Variants in RAB38 observed in about 807,000 individuals in gnomAD.
The protein encoded by RAB38 is ras-related protein Rab-38.
A neutral mutation model predicts 18.4 loss-of-function variants in RAB38; 15 were observed. The ratio of observed to expected loss-of-function variants is 0.82; its 90% CI spans 0.55 to 1.26. The LOEUF is 1.26. Ranked by LOEUF, RAB38 falls within the 50% of genes most tolerant of loss-of-function variation. RAB38 has a pLI of 0.00. For synonymous variants in RAB38, 101 were observed against 104.4 expected, an observed-to-expected ratio of 0.97 and a Z score of 0.20; for missense variants, 294 against 267.4, an observed-to-expected ratio of 1.10 and a Z score of -0.69.
At chr11:87,949,878 T>C in the RAB38 span, among the ~76,000 whole-genome samples, 1 of 152,132 alleles carries the variant, frequency 6.6e-6, no homozygotes, top group East Asian at 1.9e-4. Flanking sequence ...TGATTTGGGG[T>C]GGAGAGTTCT....
the RAB38 span, among the ~76,000 whole-genome samples, chr11:87,918,444 G>C: frequency 6.6e-6 from 1 of 152,178 alleles, no homozygotes; most frequent in African/African-American, 2.4e-5. Context: ...TCTAATTTTT[G>C]AGGAACTTCC....
chr11:87,839,899 T>G, the RAB38 span, among the ~76,000 whole-genome samples: 1 of 152,192 alleles, frequency 6.6e-6, no homozygotes, highest in Non-Finnish European at 1.5e-5. Context: ...ATCTTTGTCC[T>G]GCATATCAGT....
At chr11:87,887,180 CTAAG>C in the RAB38 span, among the ~76,000 whole-genome samples, 1 of 151,928 alleles carries the variant, frequency 6.6e-6, no homozygotes, top group African/African-American at 2.4e-5. Flanking sequence ...CTCTGAGAGG[CTAAG>C]TAACTTTTCC....
the RAB38 span, among the ~76,000 whole-genome samples, chr11:87,846,524 A>C: frequency 6.6e-6 from 1 of 151,892 alleles, no homozygotes; most frequent in African/African-American, 2.4e-5. Flanking sequence ...CAATAGAAAT[A>C]ATTCATTAGG....
At chr11:87,951,873 C>T in the RAB38 span, among the ~76,000 whole-genome samples, 21 of 152,244 alleles carry the variant, frequency 1.4e-4, no homozygotes, top group South Asian at 1.2e-3. Flanking sequence ...GCAGTCTGCC[C>T]GTTCTCAGAT....
At chr11:87,873,922 G>GTGTT in the RAB38 span, among the ~76,000 whole-genome samples, 1 of 103,122 alleles carries the variant, frequency 9.7e-6, no homozygotes, top group Admixed American at 1.2e-4. Context: ...GTGTGTGTGT[G>GTGTT]TATATATATA....
At chr11:87,855,306 T>C in the RAB38 span, among the ~76,000 whole-genome samples, 2,088 of 152,254 alleles carry the variant, frequency 0.014, 150 homozygotes, top group Admixed American at 0.11. Flanking sequence ...AGTCTTCAGA[T>C]ATCATACCCA....
At chr11:87,929,486 G>A in the RAB38 span, among the ~76,000 whole-genome samples, 3 of 151,044 alleles carry the variant, frequency 2.0e-5, no homozygotes, top group Non-Finnish European at 4.4e-5. Context: ...TTTTAGGGTT[G>A]TATTTCAAAT....
chr11:87,880,338 A>G, the RAB38 span, among the ~76,000 whole-genome samples: 8,964 of 151,810 alleles, frequency 0.059, 400 homozygotes, highest in Admixed American at 0.12. Flanking sequence ...CCTGGCCACA[A>G]CATGCTCCAG....
the RAB38 span, among the ~76,000 whole-genome samples, chr11:87,951,235 A>G: frequency 6.6e-6 from 1 of 151,888 alleles, no homozygotes; most frequent in African/African-American, 2.4e-5. Context: ...TTTCAGCTCC[A>G]TCAGGTCCTT....
chr11:88,101,943 G>A, the RAB38 span, among the ~76,000 whole-genome samples: 1 of 151,888 alleles, frequency 6.6e-6, no homozygotes, highest in Admixed American at 6.6e-5. Flanking sequence ...TGAAGAAAGA[G>A]TGAAAGAGGA....
chr11:87,965,798 G>A, the RAB38 span, among the ~76,000 whole-genome samples: 2 of 152,062 alleles, frequency 1.3e-5, no homozygotes, highest in African/African-American at 4.8e-5. Context: ...GTTTTAACCA[G>A]GACAGAGGGA....
At chr11:87,938,186 T>A in the RAB38 span, among the ~76,000 whole-genome samples, 1 of 152,106 alleles carries the variant, frequency 6.6e-6, no homozygotes, top group East Asian at 1.9e-4. Flanking sequence ...CTGTTATTGC[T>A]TTTTGGGGAT....
the RAB38 span, among the ~76,000 whole-genome samples, chr11:87,949,987 G>A: frequency 2.3e-4 from 35 of 152,082 alleles, no homozygotes; most frequent in African/African-American, 8.5e-4. Flanking sequence ...GTTGACAGTG[G>A]GGTGTTAAAG....
At chr11:88,068,458 G>T in the RAB38 span, among the ~76,000 whole-genome samples, 1 of 152,140 alleles carries the variant, frequency 6.6e-6, no homozygotes, top group Non-Finnish European at 1.5e-5. Context: ...TGGCAATTGT[G>T]CAAGCTGAGA....
the RAB38 span, among the ~76,000 whole-genome samples, chr11:88,105,856 T>C: frequency 6.6e-6 from 1 of 151,902 alleles, no homozygotes; most frequent in South Asian, 2.1e-4. Flanking sequence ...ATGTAGATCT[T>C]TTATTTCTAA....
chr11:88,052,947 TTA>T, the RAB38 span, among the ~76,000 whole-genome samples: 16 of 81,132 alleles, frequency 2.0e-4, 2 homozygotes, highest in Admixed American at 4.7e-4. Context: ...TATATATAAA[TTA>T]TATATATGAT....
chr11:88,005,548 T>C, the RAB38 span, among the ~76,000 whole-genome samples: 3 of 151,426 alleles, frequency 2.0e-5, no homozygotes, highest in African/African-American at 7.3e-5. Context: ...GTTGGTTGTC[T>C]CTTTGCTCTG....
the RAB38 span, among the ~76,000 whole-genome samples, chr11:88,037,705 G>C: frequency 1.4e-4 from 22 of 152,132 alleles, no homozygotes; most frequent in Admixed American, 2.0e-4. Context: ...TTTTGTGTCT[G>C]CCTTCTTTCA....
Sources: gnomAD v4.1 joint callset for allele counts (sites outside exome capture counted in the v4.1 genomes callset) on GRCh38, gnomAD v4.1.1 for gene constraint, MANE v1.5 for transcripts, NCBI Gene and HGNC (gene_info 2026-07-23, HGNC 2026-07-21) for gene names.